The following NECTIN3 variants were observed in gnomAD, a reference collection of about 807,000 sequenced individuals.
NECTIN3 encodes the protein nectin cell adhesion molecule 3.
In NECTIN3, 8 loss-of-function variants were observed where a neutral mutation model predicts 49.4. The observed-to-expected ratio is 0.16, with a 90% CI of 0.10 to 0.29. NECTIN3 has a LOEUF of 0.29. Among genes scored for constraint, NECTIN3 ranks in the 10% least tolerant of loss-of-function variants. The probability of loss-of-function intolerance (pLI) is 1.00; values close to 1 mark genes in which losing one functional copy is unlikely to be tolerated. For missense variants in NECTIN3, 581 were observed against 654.6 expected, an observed-to-expected ratio of 0.89 and a Z score of 1.23; for synonymous variants, 277 against 241.1, an observed-to-expected ratio of 1.15 and a Z score of -1.38.
In NECTIN3 at chr3:111,080,412, A is replaced by C. The variant is rs150117628; in HGVS notation, c.160+8235A>C. 4.6e-3 allele frequency among the ~76,000 whole-genome samples: 698 copies of C among 152,258 alleles called. 7 individuals carry two copies. Among genetic ancestry groups the C allele is most frequent in the African/African-American group, 0.015 (642 of 41,566 alleles). On this transcript the variant is annotated intron_variant, in intron 1 of 5. Transcript: ENST00000485303. Reference sequence around the variant, plus strand: ...TGCCCCAAAGCCCCTTTTCCTTCAAAAGCTTTAATCCTGACAGCATCTCTT... The same window carrying C: ...TGCCCCAAAGCCCCTTTTCCTTCAACAGCTTTAATCCTGACAGCATCTCTT...
In NECTIN3 at chr3:111,127,611, G is replaced by C. The variant is rs144252335; in HGVS notation, c.1069+1276G>C. ...TGGTCTCGCTGTGTCACCCAGGCTG[G>C]AGTGAGTGCAGTGGTGTGATTTCAG... On this transcript the variant is annotated intron_variant, in intron 5 of 5. Coordinates refer to ENST00000485303, the MANE Select transcript of NECTIN3 (RefSeq NM_015480.3). Among the ~76,000 whole-genome samples, 464 of 151,790 alleles carry C rather than the reference G, an allele frequency of 3.1e-3. 3 individuals carry two copies. Among genetic ancestry groups the C allele is most frequent in the African/African-American group, 0.01 (427 of 41,374 alleles).
At chr3:111,085,622 A>G (rs1384582988) in intron 1 of NECTIN3, among the ~76,000 whole-genome samples, 1 of 151,848 alleles carries the variant, frequency 6.6e-6, no homozygotes, top group African/African-American at 2.4e-5. Flanking sequence ...ACCACACATT[A>G]GTTTTTCCTG....
At chr3:111,111,017 A>G (rs2033436814) in intron 1 of NECTIN3, among the ~76,000 whole-genome samples, 1 of 152,012 alleles carries the variant, frequency 6.6e-6, no homozygotes. Context: ...TATTAATTAG[A>G]TGTAACTTTT....
At chr3:111,093,493 G>A (rs1271935008) in intron 1 of NECTIN3, among the ~76,000 whole-genome samples, 2 of 148,502 alleles carry the variant, frequency 1.3e-5, no homozygotes, top group African/African-American at 4.9e-5. Context: ...GGAGTGCAAT[G>A]GCGTGATCTT....
chr3:111,106,032 C>T (rs1010356327), intron 1 of NECTIN3, among the ~76,000 whole-genome samples: 2 of 149,824 alleles, frequency 1.3e-5, no homozygotes, highest in African/African-American at 4.9e-5. Context: ...GAATAATTGA[C>T]CCCTCTGTAG....
At chr3:111,127,465 C>CTTTTT (rs35153084) in intron 5 of NECTIN3, among the ~76,000 whole-genome samples, 7 of 101,166 alleles carry the variant, frequency 6.9e-5, no homozygotes, top group African/African-American at 1.0e-4. Context: ...TGCAAACTTT[C>CTTTTT]TTTTTTTTTT....
chr3:111,165,741 A>G (rs2035306844), intron 7 of NECTIN3, among the ~76,000 whole-genome samples: 1 of 152,226 alleles, frequency 6.6e-6, no homozygotes, highest in South Asian at 2.1e-4. Context: ...ATAAGCTTAT[A>G]TTAGTTGCAC....
chr3:111,166,401 T>C (rs2035320906), intron 7 of NECTIN3, among the ~76,000 whole-genome samples: 1 of 152,328 alleles, frequency 6.6e-6, no homozygotes, highest in East Asian at 1.9e-4. Context: ...TGTGACATGA[T>C]ACACAACCGA....
At chr3:111,078,809 A>G (rs886931581) in intron 1 of NECTIN3, among the ~76,000 whole-genome samples, 1 of 152,120 alleles carries the variant, frequency 6.6e-6, no homozygotes, top group Non-Finnish European at 1.5e-5. Flanking sequence ...ATGTTTGCAG[A>G]ATTGACTTTC....
chr3:111,180,070 T>A (rs1477836872), intron 7 of NECTIN3, among the ~76,000 whole-genome samples: 1 of 152,104 alleles, frequency 6.6e-6, no homozygotes, highest in Admixed American at 6.5e-5. Context: ...GCAACCCCAT[T>A]GACATTCACA....
At chr3:111,118,248 C>CTA (rs34878535) in intron 2 of NECTIN3, among the ~76,000 whole-genome samples, 8,559 of 77,744 alleles carry the variant, frequency 0.11, 493 homozygotes, top group Admixed American at 0.12. Flanking sequence ...TAAAATGAAG[C>CTA]TATATATATA....
At chr3:111,144,821 C>T (rs1214747481) in intron 5 of NECTIN3, 1 of 1,422,526 alleles carries the variant, frequency 7.0e-7, no homozygotes, top group East Asian at 2.5e-5. Flanking sequence ...AAATAGTTTG[C>T]ACATTGTAGA....
chr3:111,126,451 A>C (rs1442145539), intron 5 of NECTIN3, 116 bp downstream of exon 5: 7 of 865,502 alleles, frequency 8.1e-6, no homozygotes, highest in Non-Finnish European at 1.2e-5. Flanking sequence ...CCTCAGTGTG[A>C]AGTTTTTCCA....
chr3:111,110,568 A>C (rs1431071667), intron 1 of NECTIN3, among the ~76,000 whole-genome samples: 1 of 151,916 alleles, frequency 6.6e-6, no homozygotes, highest in African/African-American at 2.4e-5. Context: ...CTACTTTTTT[A>C]TTTGTTTATA....
At chr3:111,120,009 T>G (rs886601964) in intron 3 of NECTIN3, among the ~76,000 whole-genome samples, 1 of 152,202 alleles carries the variant, frequency 6.6e-6, no homozygotes, top group Admixed American at 6.5e-5. Flanking sequence ...TGAAAAGCTA[T>G]AGTTTAAAAA....
At chr3:111,186,329 C>T (rs751976558) in intron 7 of NECTIN3, among the ~76,000 whole-genome samples, 8 of 152,058 alleles carry the variant, frequency 5.3e-5, no homozygotes, top group Non-Finnish European at 1.0e-4. Context: ...GCTACAGTAA[C>T]CAAAACAGCA....
At chr3:111,118,265 T>TATATATATATATATAC (rs1553723410) in intron 2 of NECTIN3, among the ~76,000 whole-genome samples, 1 of 138,152 alleles carries the variant, frequency 7.2e-6, no homozygotes, top group Non-Finnish European at 1.6e-5. Flanking sequence ...TATATATATA[T>TATATATATATATATAC]ATATATATAT....
intron 6 of NECTIN3, chr3:111,145,163 A>G (rs1276436529): frequency 6.4e-6 from 7 of 1,101,956 alleles, no homozygotes; most frequent in African/African-American, 1.6e-5. Context: ...GGCCTTTGTT[A>G]GATGACCGTG....
intron 1 of NECTIN3, among the ~76,000 whole-genome samples, chr3:111,080,955 G>A (rs1559764515): frequency 1.3e-5 from 2 of 152,146 alleles, no homozygotes; most frequent in African/African-American, 4.8e-5. Context: ...CAAGAGTTTA[G>A]ACAGATAAAA....
Sources: gnomAD v4.1 joint callset for allele counts (sites outside exome capture counted in the v4.1 genomes callset) on GRCh38, gnomAD v4.1.1 for gene constraint, MANE v1.5 for transcripts, NCBI Gene and HGNC (gene_info 2026-07-23, HGNC 2026-07-21) for gene names.